Variants in RNF180 observed in about 807,000 individuals in gnomAD.
The protein encoded by RNF180 is E3 ubiquitin-protein ligase RNF180.
A neutral mutation model predicts 59.2 loss-of-function variants in RNF180; 38 were observed. That is an observed-to-expected ratio of 0.64 (90% CI 0.50 to 0.84). The LOEUF (loss-of-function observed/expected upper bound fraction) is 0.84. Ranked by LOEUF, RNF180 falls within the 40% of genes least tolerant of loss-of-function variation. RNF180 has a pLI of 0.00. For synonymous variants in RNF180, 262 were observed against 240.3 expected (o/e 1.09, Z -0.84); for missense variants, 705 against 700.9 (o/e 1.01, Z -0.07).
intron 5 of RNF180, among the ~76,000 whole-genome samples, chr5:64,291,407 G>A (rs1364722979): frequency 7.2e-6 from 1 of 139,530 alleles, no homozygotes; most frequent in Non-Finnish European, 1.5e-5. Flanking sequence ...GCATTCTGAA[G>A]TATGTTTTCT....
intron 5 of RNF180, among the ~76,000 whole-genome samples, chr5:64,232,379 C>G (rs1277674886): frequency 6.6e-6 from 1 of 152,044 alleles, no homozygotes; most frequent in African/African-American, 2.4e-5. Flanking sequence ...CTGGGATAGG[C>G]CCCAGACAGT....
intron 5 of RNF180, among the ~76,000 whole-genome samples, chr5:64,224,827 C>T (rs1434198204): frequency 6.6e-6 from 1 of 152,128 alleles, no homozygotes; most frequent in Non-Finnish European, 1.5e-5. Context: ...CCTGAGGACT[C>T]CTTCTTCATT....
chr5:64,353,297 T>C (rs909421388), intron 7 of RNF180, among the ~76,000 whole-genome samples: 1 of 151,700 alleles, frequency 6.6e-6, no homozygotes, highest in African/African-American at 2.4e-5. Context: ...GAATATAAAA[T>C]GACTATTAGA....
At chr5:64,178,748 G>T (rs566532814) in intron 1 of RNF180, among the ~76,000 whole-genome samples, 1 of 152,148 alleles carries the variant, frequency 6.6e-6, no homozygotes, top group South Asian at 2.1e-4. Context: ...TAGAATACAT[G>T]GAACTGTCCA....
chr5:64,192,011 G>A (rs911393274), intron 1 of RNF180, among the ~76,000 whole-genome samples: 12 of 151,584 alleles, frequency 7.9e-5, no homozygotes, highest in Admixed American at 2.6e-4. Context: ...TTTGCATGTG[G>A]GTGTCCAGTT....
intron 1 of RNF180, among the ~76,000 whole-genome samples, chr5:64,179,813 A>T (rs192007458): frequency 1.2e-4 from 18 of 152,278 alleles, no homozygotes; most frequent in African/African-American, 4.3e-4. Flanking sequence ...ACATTATCAA[A>T]TTGCTTTCCA....
chr5:64,203,712 G>T lies in RNF180; in HGVS notation c.135+2770G>T, dbSNP rs187670797. ...AATGAAGGGATAATTCAATATCATG[G>T]TTAAGTCTTAGCAGAAGGAGTAATA... On this transcript the variant is annotated intron_variant, in intron 2 of 7. Coordinates refer to ENST00000389100, the MANE Select transcript of RNF180 (RefSeq NM_001113561.2). Among the ~76,000 whole-genome samples the T allele has an allele frequency of 2.0e-5, 3 of 152,096 alleles. No homozygotes were observed. The East Asian group carries it at 5.8e-4, about 29-fold the overall frequency.
In RNF180 at chr5:64,210,187, G is replaced by A. The variant is rs59803741; in HGVS notation, c.136-1878G>A. Among the ~76,000 whole-genome samples, 754 of 152,200 alleles carry A rather than the reference G, an allele frequency of 5.0e-3. 10 individuals are homozygous for A. Among genetic ancestry groups the A allele is most frequent in the African/African-American group, 0.017 (706 of 41,538 alleles). ...ATAGACACTCTTAGGTGTGTCCCAG[G>A]AGTATAAATTTTTAGTAAGTAACCC... On this transcript the variant is annotated intron_variant, in intron 2 of 7. Transcript: ENST00000389100.
At chr5:64,366,515 C>CCT (rs1746453236) in intron 7 of RNF180, among the ~76,000 whole-genome samples, 1 of 151,502 alleles carries the variant, frequency 6.6e-6, no homozygotes, top group African/African-American at 2.4e-5. Context: ...GAGGAGTTCT[C>CCT]GTGGATGATC....
intron 5 of RNF180, among the ~76,000 whole-genome samples, chr5:64,238,309 C>A (rs548720260): frequency 6.6e-6 from 1 of 152,248 alleles, no homozygotes; most frequent in African/African-American, 2.4e-5. Flanking sequence ...CATAGGAAAT[C>A]TAATATCTAT....
intron 4 of RNF180, among the ~76,000 whole-genome samples, chr5:64,215,539 C>T (rs1004792837): frequency 5.3e-5 from 8 of 151,894 alleles, no homozygotes; most frequent in African/African-American, 9.7e-5. Context: ...GTTGCTAAAA[C>T]GCATTTCAGT....
At chr5:64,307,209 C>T (rs1304353818) in intron 5 of RNF180, among the ~76,000 whole-genome samples, 3 of 150,216 alleles carry the variant, frequency 2.0e-5, no homozygotes, top group Non-Finnish European at 3.0e-5. Context: ...GAAATCTCAA[C>T]ACAATACTCT....
intron 1 of RNF180, among the ~76,000 whole-genome samples, chr5:64,179,317 CCT>C (rs1254712448): frequency 2.6e-5 from 4 of 152,102 alleles, no homozygotes; most frequent in African/African-American, 9.6e-5. Flanking sequence ...TACTATTTTT[CCT>C]TTTTTGTTTT....
intron 5 of RNF180, among the ~76,000 whole-genome samples, chr5:64,228,808 C>A (rs1159651350): frequency 1.3e-4 from 20 of 151,702 alleles, no homozygotes; most frequent in Admixed American, 1.3e-3. Flanking sequence ...GACCATATAG[C>A]CAAGTATTAT....
chr5:64,215,952 T>C (rs1752599507), intron 4 of RNF180, among the ~76,000 whole-genome samples: 1 of 152,160 alleles, frequency 6.6e-6, no homozygotes, highest in South Asian at 2.1e-4. Context: ...AATACTCTTA[T>C]ACACAGTTTA....
chr5:64,205,199 G>A (rs2112077979), intron 2 of RNF180, among the ~76,000 whole-genome samples: 1 of 152,268 alleles, frequency 6.6e-6, no homozygotes, highest in East Asian at 1.9e-4. Context: ...GTAATGTTGT[G>A]TGGGTGTATC....
chr5:64,354,555 CA>C lies in RNF180; in HGVS notation c.1580-15050del, dbSNP rs777712035. 5.8e-4 allele frequency among the ~76,000 whole-genome samples: 85 copies of C among 147,576 alleles called. 1 individual carries two copies. Among genetic ancestry groups the C allele is most frequent in the Non-Finnish European group, 6.8e-4 (45 of 66,528 alleles). Reference sequence around the variant, plus strand: ...CAACACCAATCCTTCTCAAACTGTTCAAAAAAAAAATTGAAGAAGAAATACT... The same window carrying C: ...CAACACCAATCCTTCTCAAACTGTTCAAAAAAAAATTGAAGAAGAAATACT... On this transcript the variant is annotated intron_variant, in intron 7 of 7. Transcript: ENST00000389100.
intron 1 of RNF180, among the ~76,000 whole-genome samples, chr5:64,169,276 C>T (rs1405065785): frequency 6.6e-6 from 1 of 152,202 alleles, no homozygotes; most frequent in Non-Finnish European, 1.5e-5. Context: ...TTTCAGTAAG[C>T]TTTCACCTAA....
intron 5 of RNF180, among the ~76,000 whole-genome samples, chr5:64,322,872 G>A (rs1488989230): frequency 1.3e-5 from 2 of 151,906 alleles, no homozygotes; most frequent in Non-Finnish European, 2.9e-5. Flanking sequence ...GATAAAACTG[G>A]GTTCAGTGTA....
Sources: gnomAD v4.1 joint callset for allele counts (sites outside exome capture counted in the v4.1 genomes callset) on GRCh38, gnomAD v4.1.1 for gene constraint, MANE v1.5 for transcripts, NCBI Gene and HGNC (gene_info 2026-07-23, HGNC 2026-07-21) for gene names.